IGSF9: variants seen among roughly 807,000 people sequenced by gnomAD.
The protein encoded by IGSF9 is protein turtle homolog A.
In IGSF9, 87 loss-of-function variants were observed where a neutral mutation model predicts 121.7. The observed-to-expected ratio is 0.71, with a 90% CI of 0.60 to 0.85. The LOEUF is 0.85. IGSF9 is among the 40% of genes least tolerant of loss of function. IGSF9 has a pLI of 0.00. For missense variants in IGSF9, 1,462 were observed against 1,565.3 expected (o/e 0.93, Z 1.11); for synonymous variants, 640 against 648.4 (o/e 0.99, Z 0.20).
In IGSF9 at chr1:159,934,508, G is replaced by A; in HGVS notation, c.878C>T (p.Pro293Leu). Residue 293 changes from proline (P) to leucine (L), a missense_variant, in exon 8 of 21, where the codon CCT becomes CTT. Physicochemically the swap from Pro to Leu is moderately conservative, Grantham distance 98. Around this residue, in one of 3 missense-constraint regions of IGSF9, gnomAD observed 558 missense variants for 599.4 expected, o/e 0.93. Transcript: ENST00000368094. Reference protein sequence around the residue: ...DGSLRLLATQPDDAGCYTCVP... With the variant: ...DGSLRLLATQLDDAGCYTCVP... ...ACAGGTGTAGCAGCCGGCATCATCA[G>A]GCTGGGTGGCCAGCAGCCGCAGGCT... 1.2e-6 allele frequency: 2 copies of A among 1,613,290 alleles called. No homozygotes were observed. The highest frequency in any genetic ancestry group is 1.7e-6 in the Non-Finnish European group (2 of 1,179,628).
chr1:159,927,156 T>A lies in IGSF9; in HGVS notation c.*189A>T. 4 of 566,140 alleles carry A rather than the reference T, an allele frequency of 7.1e-6. No homozygotes were observed. The highest frequency in any genetic ancestry group is 2.0e-5 in the African/African-American group (1 of 51,144). The allele number at this position is 566,140 out of a possible 1,614,324, so 35.1% of individuals were successfully genotyped here. A position where few individuals can be genotyped will look rare whatever the true frequency, so the allele number is the denominator to read the frequency against. On this transcript the variant is annotated 3_prime_UTR_variant, in exon 21 of 21. Coordinates refer to ENST00000368094, the MANE Select transcript of IGSF9 (RefSeq NM_001135050.2). The stretch of plus-strand genomic sequence containing the variant: ...GGCAGACCTAAGATCCCTGTTCCAA[T>A]CCCCAGACTCACCTAGGGGGTCAGC...
rs1403613379 is a variant in IGSF9, at chr1:159,934,197, A to G, written c.1097T>C (p.Leu366Pro). The G allele has an allele frequency of 2.5e-6, 4 of 1,613,006 alleles. No individual in the cohort carries two copies. Among genetic ancestry groups the G allele is most frequent in the Non-Finnish European group, 3.4e-6 (4 of 1,179,626 alleles). The change falls in exon 9 of 21, where the codon CTG (leucine) becomes CCG (proline). Residue 366 changes from leucine to proline, a missense_variant. Coordinates refer to ENST00000368094, the MANE Select transcript of IGSF9 (RefSeq NM_001135050.2). ...CCTGCCCCAAGCCTGTACCTTGTCC[A>G]GCTGCAGGGCCTTTCCATCCTTGGT... ...SWTKDGKALQ[L>P]DKFPGWSQGT...
chr1:159,927,721 T>C, intron 20 of IGSF9, 39 bp downstream of exon 20: 2 of 1,604,458 alleles, frequency 1.2e-6, no homozygotes, highest in East Asian at 2.2e-5. Context: ...TGTGGGACAG[T>C]ATGGCCGAGA....
intron 4 of IGSF9, 38 bp downstream of exon 4, chr1:159,937,648 C>G: frequency 6.2e-7 from 1 of 1,600,746 alleles, no homozygotes; most frequent in Non-Finnish European, 8.6e-7. Flanking sequence ...TCCTCCTCCT[C>G]CCCGTCCTTC....
At chr1:159,940,999 T>TG (rs1651354061) in intron 3 of IGSF9, among the ~76,000 whole-genome samples, 1 of 152,336 alleles carries the variant, frequency 6.6e-6, no homozygotes, top group South Asian at 2.1e-4. Flanking sequence ...AGGCACAGGC[T>TG]GGGGCGCTTT....
At position 159,927,371 on chromosome 1, in the gene IGSF9, G is replaced by A; in HGVS notation, c.3514C>T (p.His1172Tyr). 1.2e-6 allele frequency: 2 copies of A among 1,613,772 alleles called. No homozygotes were observed. The highest frequency in any genetic ancestry group is 1.7e-6 in the Non-Finnish European group (2 of 1,179,946). Residue 1172 changes from histidine (H) to tyrosine (Y), a missense_variant, in exon 21 of 21, where the codon CAC (histidine) becomes TAC (tyrosine). By Grantham distance (83) the His-to-Tyr change is moderately conservative. This residue lies in a region of IGSF9 where 808 missense variants were observed against 815.2 expected (regional missense o/e 0.99). Coordinates refer to ENST00000368094, the MANE Select transcript of IGSF9 (RefSeq NM_001135050.2). The part of the protein sequence containing the change: ...RLPAYRQPVP[H>Y]PEQATLL ...CACAGCAGAGTGGCCTGTTCGGGGT[G>A]GGGGACTGGCTGTCGATAGGCTGGT...
At chr1:159,929,548 C>A in intron 17 of IGSF9, 90 bp downstream of exon 17, 2 of 1,494,948 alleles carry the variant, frequency 1.3e-6, no homozygotes, top group Non-Finnish European at 9.0e-7. Flanking sequence ...CTGGATCACA[C>A]AGGAGCGAGG....
chr1:159,929,670 G>T lies in IGSF9; in HGVS notation c.2294C>A (p.Ala765Asp), dbSNP rs1444633836. 1.0e-5 allele frequency: 16 copies of T among 1,595,124 alleles called. No homozygotes were observed. The highest frequency in any genetic ancestry group is 1.2e-5 in the Non-Finnish European group (14 of 1,172,682). ...GAGGCGCTTGCGGCGGCGGCGGGCAGCCCTGCGCCGGTTCAGGAGGCAGCC... is the reference window on the plus strand; with the variant it reads ...GAGGCGCTTGCGGCGGCGGCGGGCATCCCTGCGCCGGTTCAGGAGGCAGCC... ...LAGCLLNRRR[A>D]ARRRRKRLRQ... Residue 765 changes from alanine (A) to aspartate (D), a missense_variant, in exon 17 of 21, where the codon GCT (alanine) becomes GAT (aspartate). Physicochemically the swap from Ala to Asp is moderately radical, Grantham distance 126. Coordinates refer to ENST00000368094, the MANE Select transcript of IGSF9 (RefSeq NM_001135050.2).
rs1025608226 is a variant in IGSF9 at position 159,927,545 on chromosome 1, A to G, written c.3359-19T>C. 6.2e-7 allele frequency: 1 copy of G among 1,605,484 alleles called. No individual in the cohort carries two copies. The highest frequency in any genetic ancestry group is 2.2e-5 in the East Asian group (1 of 44,718). Reference sequence around the variant, plus strand: ...TTCACACCTGCAAGAGGCGGGCAGGACAATGAGAAGAAGCCCTGAGGTTCA... The same window carrying G: ...TTCACACCTGCAAGAGGCGGGCAGGGCAATGAGAAGAAGCCCTGAGGTTCA... On this transcript the variant is annotated intron_variant, in intron 20 of 20. Coordinates refer to ENST00000368094, the MANE Select transcript of IGSF9 (RefSeq NM_001135050.2).
intron 3 of IGSF9, among the ~76,000 whole-genome samples, chr1:159,941,794 C>T (rs1260063135): frequency 6.6e-6 from 1 of 152,248 alleles, no homozygotes; most frequent in Non-Finnish European, 1.5e-5. Context: ...CTGGTGGGCA[C>T]AGCCGTTTTT....
In IGSF9 at chr1:159,936,772, C is replaced by G. The variant is rs1462511868; in HGVS notation, c.537G>C (p.Gln179His). ...TWKLRGKDLG[Q>H]GQGQVQVQNG... ...GACTCACTTGCACCTGGCCCTGGCC[C>G]TGGCCAAGGTCCTTTCCTCGGAGCT... The change falls in exon 5 of 21, where the codon CAG becomes CAC. Residue 179 changes from glutamine to histidine, a missense_variant. Around this residue, in one of 3 missense-constraint regions of IGSF9, gnomAD observed 558 missense variants for 599.4 expected, o/e 0.93. Coordinates refer to ENST00000368094, the MANE Select transcript of IGSF9 (RefSeq NM_001135050.2). 6.2e-7 allele frequency: 1 copy of G among 1,614,100 alleles called. No homozygotes were observed. Among genetic ancestry groups the G allele is most frequent in the South Asian group, 1.1e-5 (1 of 91,094 alleles).
chr1:159,939,838 C>T (rs1557936894), intron 3 of IGSF9, among the ~76,000 whole-genome samples: 1 of 152,194 alleles, frequency 6.6e-6, no homozygotes, highest in East Asian at 1.9e-4. Context: ...AAATCCCCAC[C>T]CCGGAGATAA....
chr1:159,936,654 C>T (rs1651197222), intron 5 of IGSF9, 100 bp downstream of exon 5: 2 of 1,540,112 alleles, frequency 1.3e-6, no homozygotes, highest in East Asian at 4.5e-5. Flanking sequence ...GCCCATCCTC[C>T]AGCCTGGCCT....
rs1571223112 is a variant in IGSF9 at position 159,943,529 on chromosome 1, G to A, written c.-75C>T. 1.4e-6 allele frequency: 2 copies of A among 1,386,924 alleles called. No individual in the cohort carries two copies. The highest frequency in any genetic ancestry group is 2.6e-5 in the East Asian group (1 of 38,994). The allele number at this position is 1,386,924 out of a possible 1,614,324, so 85.9% of individuals were successfully genotyped here. ...TGGAGGGGCCAAGGGATGTCCTTCT[G>A]ATCAGCTCAGGGAACAGGTTTCAGC... On this transcript the variant is annotated 5_prime_UTR_variant, in exon 2 of 21. Coordinates refer to ENST00000368094, the MANE Select transcript of IGSF9 (RefSeq NM_001135050.2).
At chr1:159,945,111 T>TC (rs1046703660) in intron 1 of IGSF9, among the ~76,000 whole-genome samples, 6 of 150,748 alleles carry the variant, frequency 4.0e-5, no homozygotes, top group African/African-American at 1.5e-4. Context: ...CTACGCACAA[T>TC]CCCCCCACAA....
chr1:159,927,158 C>A lies in IGSF9; in HGVS notation c.*187G>T, dbSNP rs1008323915. On this transcript the variant is annotated 3_prime_UTR_variant, in exon 21 of 21. Transcript: ENST00000368094. ...CAGACCTAAGATCCCTGTTCCAATC[C>A]CCAGACTCACCTAGGGGGTCAGCAC... The A allele has an allele frequency of 8.1e-5, 51 of 630,654 alleles. No homozygotes were observed. The Middle Eastern group carries it at 1.7e-3, about 22-fold the overall frequency. 39.1% of individuals were successfully genotyped at this position (630,654 alleles called of 1,614,324 possible).
chr1:159,929,069 C>T, intron 18 of IGSF9, 51 bp from the exon 19 acceptor site: 4 of 1,494,912 alleles, frequency 2.7e-6, no homozygotes, highest in Non-Finnish European at 3.6e-6. Flanking sequence ...GTCCCCCTCC[C>T]AGGAGCCAGC....
Position 159,930,816 on chromosome 1 carries a change from A to C in IGSF9, c.1689T>G (p.Pro563=). ...GCACTAGGAGGTGAGCAGCCCCCACAGGCACTGCCAAGGACACCCAGTCAT... is the reference window on the plus strand; with the variant it reads ...GCACTAGGAGGTGAGCAGCCCCCACCGGCACTGCCAAGGACACCCAGTCAT... ...MHHDWVSLAV[P]VGAAHLLVPG... The change falls in exon 14 of 21, where the codon CCT becomes CCG. Residue 563 remains proline, a synonymous_variant. Coordinates refer to ENST00000368094, the MANE Select transcript of IGSF9 (RefSeq NM_001135050.2). 6.2e-7 allele frequency: 1 copy of C among 1,613,818 alleles called. No homozygotes were observed. The highest frequency in any genetic ancestry group is 1.1e-5 in the South Asian group (1 of 91,060).
At position 159,931,055 on chromosome 1, in the gene IGSF9, A is replaced by G; in HGVS notation, c.1637+83T>C. 6.3e-7 allele frequency: 1 copy of G among 1,588,230 alleles called. No homozygotes were observed. The highest frequency in any genetic ancestry group is 1.1e-5 in the South Asian group (1 of 88,632). On this transcript the variant is annotated intron_variant, in intron 13 of 20. Transcript: ENST00000368094. This position sits in a 1 kb window ranked among gnomAD's most constrained non-coding sequence, Gnocchi z 4.8. ...GGTGAGGGATAGAGGGACAGAAGAA[A>G]GGGCAGAAGGCCAGATAGGTTCAAG...
Sources: allele counts gnomAD v4.1 joint callset (sites outside exome capture counted in the v4.1 genomes callset), GRCh38; gene constraint gnomAD v4.1.1; regional missense constraint gnomAD v4.1.1; non-coding constraint Gnocchi (gnomAD v3.1); transcripts MANE v1.5; gene names NCBI Gene and HGNC (gene_info 2026-07-23, HGNC 2026-07-21).